The following TENM3 variants were observed in gnomAD, a reference collection of about 807,000 sequenced individuals.
The protein encoded by TENM3 is teneurin-3.
TENM3 carries 63 observed loss-of-function variants against 255.1 expected under a neutral mutation model. The observed-to-expected ratio is 0.25, with a 90% CI of 0.20 to 0.30. The LOEUF (loss-of-function observed/expected upper bound fraction) is 0.30. TENM3 is among the 10% of genes least tolerant of loss of function. TENM3 has a pLI of 1.00. For synonymous variants in TENM3, 1,306 were observed against 1,322.3 expected (o/e 0.99, Z 0.27); for missense variants, 2,929 against 3,461.1 (o/e 0.85, Z 3.86).
At chr4:181,889,761 C>T in the TENM3 span, among the ~76,000 whole-genome samples, 1 of 152,092 alleles carries the variant, frequency 6.6e-6, no homozygotes, top group Non-Finnish European at 1.5e-5. Flanking sequence ...GTGTGGAAAT[C>T]CTAACATCCT....
intron 3 of TENM3, among the ~76,000 whole-genome samples, chr4:182,593,654 C>T (rs888852457): frequency 2.6e-5 from 4 of 152,112 alleles, no homozygotes; most frequent in South Asian, 2.1e-4. Flanking sequence ...CAGTTGGAGT[C>T]GCTGCAGTGA....
At chr4:182,156,625 A>C (rs1173460296) in intron 1 of TENM3, among the ~76,000 whole-genome samples, 1 of 152,196 alleles carries the variant, frequency 6.6e-6, no homozygotes, top group Non-Finnish European at 1.5e-5. Context: ...AACCCCATTA[A>C]AATATATATT....
At chr4:182,499,073 A>G (rs1050233838) in intron 3 of TENM3, among the ~76,000 whole-genome samples, 1 of 152,206 alleles carries the variant, frequency 6.6e-6, no homozygotes, top group African/African-American at 2.4e-5. Flanking sequence ...ATAAAGGCAT[A>G]GAGTTTTTAC....
At chr4:182,513,567 G>C (rs34263254) in intron 3 of TENM3, among the ~76,000 whole-genome samples, 43,827 of 151,830 alleles carry the variant, frequency 0.29, 6,913 homozygotes, top group Non-Finnish European at 0.35. Context: ...GATTAAATCT[G>C]GCTTTTAGAA....
At chr4:181,982,217 T>G in the TENM3 span, among the ~76,000 whole-genome samples, 1 of 152,150 alleles carries the variant, frequency 6.6e-6, no homozygotes, top group Non-Finnish European at 1.5e-5. Flanking sequence ...GCGGCGCGAT[T>G]AAGCAGAATG....
At chr4:181,924,675 G>C in the TENM3 span, among the ~76,000 whole-genome samples, 75 of 152,074 alleles carry the variant, frequency 4.9e-4, no homozygotes, top group African/African-American at 1.8e-3. Flanking sequence ...TTTTAAATAA[G>C]CTTCATCAAC....
At chr4:181,640,554 C>A in the TENM3 span, among the ~76,000 whole-genome samples, 3 of 152,162 alleles carry the variant, frequency 2.0e-5, no homozygotes, top group African/African-American at 7.2e-5. Flanking sequence ...CAACACAACA[C>A]CCTTTATCAT....
chr4:181,979,931 G>A, the TENM3 span, among the ~76,000 whole-genome samples: 14 of 152,100 alleles, frequency 9.2e-5, no homozygotes, highest in South Asian at 2.1e-4. Context: ...CCAAGGCTCC[G>A]TGAGGATGGA....
chr4:182,723,814 A>G (rs1759943749), intron 13 of TENM3, among the ~76,000 whole-genome samples: 1 of 152,200 alleles, frequency 6.6e-6, no homozygotes, highest in Admixed American at 6.5e-5. Context: ...ATTGGAACAC[A>G]TTCATGCCCA....
At chr4:181,488,494 T>C in the TENM3 span, among the ~76,000 whole-genome samples, 2 of 152,212 alleles carry the variant, frequency 1.3e-5, no homozygotes, top group Non-Finnish European at 2.9e-5. Context: ...GCAGTACTTA[T>C]AATTTGATTT....
At chr4:182,432,630 T>A (rs1260746278) in intron 3 of TENM3, among the ~76,000 whole-genome samples, 2 of 152,118 alleles carry the variant, frequency 1.3e-5, no homozygotes, top group Non-Finnish European at 2.9e-5. Context: ...AGTTAAGGCA[T>A]GAAGGACAAA....
At chr4:182,712,152 T>C (rs761310336) in intron 12 of TENM3, among the ~76,000 whole-genome samples, 4 of 152,080 alleles carry the variant, frequency 2.6e-5, no homozygotes, top group Non-Finnish European at 5.9e-5. Context: ...TACTGTACAG[T>C]CTATTAAAAA....
At chr4:182,199,967 T>C (rs901586627) in intron 1 of TENM3, among the ~76,000 whole-genome samples, 1 of 152,136 alleles carries the variant, frequency 6.6e-6, no homozygotes, top group Non-Finnish European at 1.5e-5. Context: ...GTTCAAGTGA[T>C]CTGCCTGCCT....
chr4:182,001,553 A>G, the TENM3 span, among the ~76,000 whole-genome samples: 1 of 151,900 alleles, frequency 6.6e-6, no homozygotes, highest in African/African-American at 2.4e-5. Flanking sequence ...AGCTATAATG[A>G]CTCTTTCAGA....
intron 25 of TENM3, among the ~76,000 whole-genome samples, chr4:182,790,001 C>T (rs1021705300): frequency 6.6e-6 from 1 of 152,134 alleles, no homozygotes; most frequent in African/African-American, 2.4e-5. Context: ...CTTAGAATTA[C>T]ACGTGTGCAA....
chr4:181,635,850 T>C, the TENM3 span, among the ~76,000 whole-genome samples: 1 of 152,020 alleles, frequency 6.6e-6, no homozygotes. Flanking sequence ...CTCACATAGA[T>C]CAAATCAAGA....
chr4:182,350,753 C>T (rs2150699580), intron 3 of TENM3, among the ~76,000 whole-genome samples: 1 of 152,272 alleles, frequency 6.6e-6, no homozygotes, highest in African/African-American at 2.4e-5. Flanking sequence ...GGCGTAATCT[C>T]AGCTCACTGC....
the TENM3 span, among the ~76,000 whole-genome samples, chr4:181,635,839 C>G: frequency 1.1e-3 from 162 of 152,272 alleles, 3 homozygotes; most frequent in South Asian, 6.0e-3. Context: ...GACGGGGCTT[C>G]CTCACATAGA....
At chr4:182,502,803 A>T (rs896467195) in intron 3 of TENM3, among the ~76,000 whole-genome samples, 10 of 150,232 alleles carry the variant, frequency 6.7e-5, no homozygotes, top group East Asian at 5.9e-4. Context: ...TTGGTTATTC[A>T]TGTGTATTAA....
Sources: allele counts gnomAD v4.1 joint callset (sites outside exome capture counted in the v4.1 genomes callset), GRCh38; gene constraint gnomAD v4.1.1; transcripts MANE v1.5; gene names NCBI Gene and HGNC (gene_info 2026-07-23, HGNC 2026-07-21).